COLGALT2: variants seen among roughly 807,000 people sequenced by gnomAD.
The protein encoded by COLGALT2 is procollagen galactosyltransferase 2.
COLGALT2 carries 49 observed loss-of-function variants against 73.4 expected under a neutral mutation model. The ratio of observed to expected loss-of-function variants is 0.67; its 90% CI spans 0.53 to 0.85. COLGALT2 has a LOEUF of 0.85. Ranked by LOEUF, COLGALT2 falls within the 40% of genes least tolerant of loss-of-function variation. The pLI is 0.00. For synonymous variants in COLGALT2, 295 were observed against 307.6 expected, an observed-to-expected ratio of 0.96 and a Z score of 0.43; for missense variants, 722 against 790.2, an observed-to-expected ratio of 0.91 and a Z score of 1.03.
At chr1:183,980,010 A>T (rs896809772) in intron 1 of COLGALT2, among the ~76,000 whole-genome samples, 3 of 152,088 alleles carry the variant, frequency 2.0e-5, no homozygotes, top group Non-Finnish European at 4.4e-5. Context: ...GTTGTTTTTT[A>T]AAAAATAACA....
chr1:184,011,439 C>A (rs1648778387), intron 1 of COLGALT2, among the ~76,000 whole-genome samples: 1 of 152,318 alleles, frequency 6.6e-6, no homozygotes, highest in Middle Eastern at 3.4e-3. Flanking sequence ...CAGAGTAATT[C>A]CAACCTCCAG....
intron 1 of COLGALT2, among the ~76,000 whole-genome samples, chr1:183,981,743 A>G (rs1241749700): frequency 6.6e-6 from 1 of 152,194 alleles, no homozygotes; most frequent in African/African-American, 2.4e-5. Flanking sequence ...TTAAATTGCC[A>G]CTAAATATAT....
At chr1:183,945,326 CA>C in intron 9 of COLGALT2, 105 bp downstream of exon 9, 1 of 1,344,268 alleles carries the variant, frequency 7.4e-7, no homozygotes, top group Non-Finnish European at 1.0e-6. Context: ...TGCACATTTC[CA>C]GAACAGTTGC....
chr1:183,983,440 A>G (rs1222891427), intron 1 of COLGALT2, among the ~76,000 whole-genome samples: 1 of 152,244 alleles, frequency 6.6e-6, no homozygotes, highest in Non-Finnish European at 1.5e-5. Context: ...TGACAAAAGT[A>G]TATTTCCATT....
chr1:184,026,359 T>C (rs559120615), intron 1 of COLGALT2, among the ~76,000 whole-genome samples: 6 of 152,218 alleles, frequency 3.9e-5, no homozygotes, highest in African/African-American at 1.2e-4. Context: ...ACTTAAGAAC[T>C]TTATTGTAGA....
chr1:183,982,924 T>G (rs1671391878), intron 1 of COLGALT2, among the ~76,000 whole-genome samples: 1 of 152,234 alleles, frequency 6.6e-6, no homozygotes, highest in African/African-American at 2.4e-5. Context: ...TTCCTAATCC[T>G]TTTGACAAAG....
rs776114656 is a variant in COLGALT2 at position 183,963,876 on chromosome 1, T to A, written c.952+25A>T. On this transcript the variant is annotated intron_variant, in intron 6 of 11. Transcript: ENST00000361927. ...CACTGTGGCAATGGAACGAGAGCCA[T>A]CCCCTCTGCTCCTGGGTCACTCACT... 34 of 1,557,964 alleles carry A rather than the reference T, an allele frequency of 2.2e-5. 1 individual carries two copies. The South Asian group carries it at 4.1e-4, about 19-fold the overall frequency.
chr1:184,037,192 G>C lies in COLGALT2; in HGVS notation c.166C>G (p.Leu56Val), dbSNP rs765842741. 1 of 1,604,848 alleles carries C rather than the reference G, an allele frequency of 6.2e-7. No homozygotes were observed. The highest frequency in any genetic ancestry group is 1.7e-5 in the Admixed American group (1 of 59,536). Residue 56 changes from leucine to valine, a missense_variant, in exon 1 of 12, where the codon CTC becomes GTC. By Grantham distance (32) the Leu-to-Val change is conservative. Coordinates refer to ENST00000361927, the MANE Select transcript of COLGALT2 (RefSeq NM_015101.4). ...GCGTTGCGGGCGAGGACCGCCACGA[G>C]CACCGTGGGGCTCTGCAGGGGCGAC... Reference protein sequence around the residue: ...PESPLQSPTVLVAVLARNAAH... With the variant: ...PESPLQSPTVVVAVLARNAAH...
chr1:183,954,140 A>G (rs1670487935), intron 7 of COLGALT2, among the ~76,000 whole-genome samples: 1 of 152,232 alleles, frequency 6.6e-6, no homozygotes, highest in Non-Finnish European at 1.5e-5. Flanking sequence ...TCTGTTACGC[A>G]TATTACCAGG....
At chr1:183,966,890 G>A (rs1558317898) in intron 5 of COLGALT2, among the ~76,000 whole-genome samples, 1 of 152,324 alleles carries the variant, frequency 6.6e-6, no homozygotes, top group East Asian at 1.9e-4. Flanking sequence ...CACCCACATG[G>A]GGCAATGGCT....
Position 184,028,871 on chromosome 1 carries a change from A to C in COLGALT2, c.263+8224T>G, listed in dbSNP as rs151306063. Among the ~76,000 whole-genome samples the C allele has an allele frequency of 5.1e-3, 770 of 152,344 alleles. 1 individual carries two copies. Among genetic ancestry groups the C allele is most frequent in the Admixed American group, 9.3e-3 (142 of 15,306 alleles). ...TTGCATTATGTTTGCAGAGGAACAAAATCTTATCAGTTAAACCAACAAGTC... is the reference window on the plus strand; with the variant it reads ...TTGCATTATGTTTGCAGAGGAACAACATCTTATCAGTTAAACCAACAAGTC... On this transcript the variant is annotated intron_variant, in intron 1 of 11. Coordinates refer to ENST00000361927, the MANE Select transcript of COLGALT2 (RefSeq NM_015101.4).
At chr1:183,939,615 A>C (rs1377461034) in intron 11 of COLGALT2, among the ~76,000 whole-genome samples, 1 of 152,174 alleles carries the variant, frequency 6.6e-6, no homozygotes, top group Non-Finnish European at 1.5e-5. Flanking sequence ...TTTGACCTCC[A>C]TGTTTCTGCT....
intron 6 of COLGALT2, among the ~76,000 whole-genome samples, chr1:183,959,139 G>C (rs776884484): frequency 1.3e-5 from 2 of 152,046 alleles, no homozygotes; most frequent in Non-Finnish European, 2.9e-5. Flanking sequence ...TCTTGGCTCC[G>C]TCTTGAAACA....
chr1:184,027,791 T>G (rs1649374273), intron 1 of COLGALT2, among the ~76,000 whole-genome samples: 1 of 152,210 alleles, frequency 6.6e-6, no homozygotes, highest in Non-Finnish European at 1.5e-5. Flanking sequence ...CCCAATAAAT[T>G]TTATTAAAAT....
chr1:183,995,154 C>T (rs914067430), intron 1 of COLGALT2, among the ~76,000 whole-genome samples: 2 of 152,040 alleles, frequency 1.3e-5, no homozygotes, highest in African/African-American at 2.4e-5. Context: ...TTTCTGAATA[C>T]ATAAAATTTC....
chr1:183,962,269 C>T (rs918851778), intron 6 of COLGALT2, among the ~76,000 whole-genome samples: 1 of 145,718 alleles, frequency 6.9e-6, no homozygotes, highest in Non-Finnish European at 1.5e-5. Context: ...AAGCAATTCT[C>T]CTGCCTCAGC....
At chr1:183,958,508 T>C (rs757483968) in intron 6 of COLGALT2, among the ~76,000 whole-genome samples, 1 of 152,100 alleles carries the variant, frequency 6.6e-6, no homozygotes, top group African/African-American at 2.4e-5. Context: ...TGAGAGATTG[T>C]ATCTTTTGTC....
At chr1:184,031,523 A>G (rs1389195669) in intron 1 of COLGALT2, among the ~76,000 whole-genome samples, 1 of 152,244 alleles carries the variant, frequency 6.6e-6, no homozygotes, top group Non-Finnish European at 1.5e-5. Context: ...TAGCGTTCTT[A>G]TCTTCCCAAG....
Position 184,037,602 on chromosome 1 carries a change from T to G in COLGALT2, c.-245A>C, listed in dbSNP as rs925538669. ...GTACCTGCAGCCGCTGGCGCTCCCC[T>G]GCGCCTCGGGCTCGCAGACAGTAGT... On this transcript the variant is annotated 5_prime_UTR_variant, in exon 1 of 12. Transcript: ENST00000361927. The G allele has an allele frequency of 3.7e-6, 4 of 1,077,332 alleles. No individual in the cohort carries two copies. In the African/African-American group the frequency reaches 6.7e-5, roughly 18 times the overall value. The allele number at this position is 1,077,332 out of a possible 1,614,324, so 66.7% of individuals were successfully genotyped here.
Sources: allele counts gnomAD v4.1 joint callset (sites outside exome capture counted in the v4.1 genomes callset), GRCh38; gene constraint gnomAD v4.1.1; transcripts MANE v1.5; gene names NCBI Gene and HGNC (gene_info 2026-07-23, HGNC 2026-07-21).